The following LANCL3 variants were observed in gnomAD, a reference collection of about 807,000 sequenced individuals.
LANCL3 encodes the protein LanC like family member 3.
Under a neutral mutation model 26.5 loss-of-function variants are expected in LANCL3, and 19 were observed. The ratio of observed to expected loss-of-function variants is 0.72; its 90% CI spans 0.50 to 1.05. The LOEUF (loss-of-function observed/expected upper bound fraction) is 1.05, where lower values mean the gene tolerates loss of function less well. LANCL3 is among the 50% of genes least tolerant of loss of function. LANCL3 has a pLI of 0.00. For synonymous variants in LANCL3, 160 were observed against 166.6 expected (o/e 0.96, Z 0.30); for missense variants, 318 against 362.7 (o/e 0.88, Z 1.00).
At chrX:37,634,166 G>A (rs184427624) in intron 1 of LANCL3, among the ~76,000 whole-genome samples, 1,765 of 112,249 alleles carry the variant, frequency 0.016, 39 homozygotes, top group African/African-American at 0.053. Context: ...CCTCACTGCC[G>A]CCTTGCAGTT....
intron 1 of LANCL3, among the ~76,000 whole-genome samples, chrX:37,572,922 G>C (rs1458512807): frequency 8.9e-6 from 1 of 111,924 alleles, no homozygotes; most frequent in Admixed American, 9.4e-5. Context: ...CTCAGCTGTG[G>C]GTCTGATGTG....
intron 1 of LANCL3, among the ~76,000 whole-genome samples, chrX:37,645,759 G>C (rs1569468240): frequency 1.8e-5 from 2 of 112,076 alleles, no homozygotes; most frequent in Non-Finnish European, 3.8e-5. Flanking sequence ...CTTCAAGTGT[G>C]GTTGATGAAC....
intron 2 of LANCL3, 32 bp downstream of exon 2, chrX:37,655,843 A>C: frequency 8.5e-7 from 1 of 1,180,861 alleles, no homozygotes; most frequent in Non-Finnish European, 1.1e-6. Context: ...GGCCTGTAGG[A>C]AGGAGAAAGT....
At chrX:37,626,227 G>A (rs1182859233) in intron 1 of LANCL3, among the ~76,000 whole-genome samples, 1 of 112,164 alleles carries the variant, frequency 8.9e-6, no homozygotes, top group Admixed American at 9.5e-5. Flanking sequence ...CCTCAAGATG[G>A]CAGTGGGCCC....
chrX:37,594,226 T>A (rs2146721246), intron 1 of LANCL3, among the ~76,000 whole-genome samples: 1 of 112,243 alleles, frequency 8.9e-6, no homozygotes, highest in South Asian at 3.7e-4. Context: ...TCCAAGTTTT[T>A]AAAATGCTTT....
chrX:37,620,081 T>G (rs1423680648), intron 1 of LANCL3, among the ~76,000 whole-genome samples: 1 of 111,962 alleles, frequency 8.9e-6, no homozygotes, highest in African/African-American at 3.2e-5. Flanking sequence ...CCTTCAAGAC[T>G]TAGCCAGGGA....
Position 37,680,493 on chromosome X carries a change from TCA to T in LANCL3, c.*4682_*4683del, listed in dbSNP as rs1294975075. Reference sequence around the variant, plus strand: ...CTAGACTCTTCCACAAATGGCAAAGTCACTTATCTGCAGAATTCCCAGAATCT... The same window carrying T: ...CTAGACTCTTCCACAAATGGCAAAGTCTTATCTGCAGAATTCCCAGAATCT... On this transcript the variant is annotated 3_prime_UTR_variant, in exon 5 of 5. Coordinates refer to ENST00000378619, the MANE Select transcript of LANCL3 (RefSeq NM_001170331.2). 2 of 111,886 alleles carry T rather than the reference TCA, an allele frequency of 1.8e-5. No individual in the cohort carries two copies. Among genetic ancestry groups the T allele is most frequent in the Non-Finnish European group, 3.8e-5 (2 of 53,190 alleles). 9.2% of individuals were successfully genotyped at this position (111,886 alleles called of 1,213,427 possible).
intron 1 of LANCL3, among the ~76,000 whole-genome samples, chrX:37,588,154 TACTA>T (rs1365263380): frequency 1.8e-5 from 2 of 112,419 alleles, no homozygotes; most frequent in African/African-American, 6.5e-5. Flanking sequence ...ATTAATTTCT[TACTA>T]ACTTCTTCAC....
intron 1 of LANCL3, among the ~76,000 whole-genome samples, chrX:37,652,635 G>T (rs1233304416): frequency 8.9e-6 from 1 of 112,456 alleles, no homozygotes; most frequent in South Asian, 3.7e-4. Flanking sequence ...ATTTGGGTTT[G>T]TTTGGTGAAG....
chrX:37,660,630 G>C (rs1046878704), intron 3 of LANCL3, among the ~76,000 whole-genome samples: 3 of 111,251 alleles, frequency 2.7e-5, no homozygotes, highest in African/African-American at 9.8e-5. Context: ...ATTCTGAGTC[G>C]ATTTAATTTT....
chrX:37,577,095 C>T (rs1923770633), intron 1 of LANCL3, among the ~76,000 whole-genome samples: 2 of 111,837 alleles, frequency 1.8e-5, no homozygotes, highest in South Asian at 3.8e-4. Flanking sequence ...ATCTGACTTA[C>T]CTTTTAAAAA....
At chrX:37,622,113 C>T (rs782124813) in intron 1 of LANCL3, among the ~76,000 whole-genome samples, 10 of 111,498 alleles carry the variant, frequency 9.0e-5, no homozygotes, top group African/African-American at 2.9e-4. Context: ...TTGACATTTC[C>T]CTGGAATCAC....
At chrX:37,654,345 G>T (rs1362441675) in intron 1 of LANCL3, among the ~76,000 whole-genome samples, 1 of 112,714 alleles carries the variant, frequency 8.9e-6, no homozygotes, top group Non-Finnish European at 1.9e-5. Context: ...CTGGTCTAAT[G>T]CTGGATATTG....
At chrX:37,675,508 G>A in intron 4 of LANCL3, 146 bp from the exon 5 acceptor site, 2 of 332,681 alleles carry the variant, frequency 6.0e-6, no homozygotes, top group South Asian at 2.3e-4. Context: ...TTCTTTAACA[G>A]AGAAAATGTG....
At chrX:37,609,861 G>A (rs1457583311) in intron 1 of LANCL3, among the ~76,000 whole-genome samples, 5 of 111,423 alleles carry the variant, frequency 4.5e-5, no homozygotes, top group African/African-American at 1.6e-4. Flanking sequence ...GAACCTGAGA[G>A]TACAGGCTTC....
intron 1 of LANCL3, among the ~76,000 whole-genome samples, chrX:37,643,093 T>G (rs1001843349): frequency 2.7e-5 from 3 of 112,034 alleles, no homozygotes; most frequent in African/African-American, 9.7e-5. Context: ...CTTAATAATG[T>G]CGGCATTCAC....
In LANCL3 at chrX:37,571,978, G is replaced by A; in HGVS notation, c.108G>A (p.Glu36=). ...CGCCCTTGGTCACCGCCACCATCGA[G>A]CGCATCCTCCAGGAGCTTCCCCCAC... ...AVAPLVTATI[E]RILQELPPLG... is the part of the protein sequence containing the mutation. The change falls in exon 1 of 5, where the codon GAG becomes GAA. Residue 36 remains glutamate, a synonymous_variant. Coordinates refer to ENST00000378619, the MANE Select transcript of LANCL3 (RefSeq NM_001170331.2). 8.3e-7 allele frequency: 1 copy of A among 1,198,321 alleles called. No individual in the cohort carries two copies. The highest frequency in any genetic ancestry group is 1.1e-6 in the Non-Finnish European group (1 of 889,083).
rs782045525 is a variant in LANCL3, at chrX:37,683,244, C to T, written c.*7431C>T. The T allele has an allele frequency of 9.0e-6, 1 of 111,349 alleles. No homozygotes were observed. Among genetic ancestry groups the T allele is most frequent in the African/African-American group, 3.3e-5 (1 of 30,709 alleles). The allele number at this position is 111,349 out of a possible 1,213,427, so 9.2% of individuals were successfully genotyped here. A position where few individuals can be genotyped will look rare whatever the true frequency, so the allele number is the denominator to read the frequency against. On this transcript the variant is annotated 3_prime_UTR_variant, in exon 5 of 5. Transcript: ENST00000378619. The stretch of plus-strand genomic sequence containing the variant: ...AACTGCACATTAGGGCAATTTCTTA[C>T]TTATGAGGAGGTACAAAGAAATACT...
At chrX:37,586,530 G>A (rs5963750) in intron 1 of LANCL3, among the ~76,000 whole-genome samples, 11,835 of 110,536 alleles carry the variant, frequency 0.11, 656 homozygotes, top group African/African-American at 0.21. Flanking sequence ...TTCTCTTCTC[G>A]CTTTATTGCA....
Sources: allele counts gnomAD v4.1 joint callset (sites outside exome capture counted in the v4.1 genomes callset), GRCh38; gene constraint gnomAD v4.1.1; transcripts MANE v1.5; gene names NCBI Gene and HGNC (gene_info 2026-07-23, HGNC 2026-07-21).